Variants in SFMBT2 observed in about 807,000 individuals in gnomAD.
The protein encoded by SFMBT2 is scm-like with four MBT domains protein 2.
In SFMBT2, 38 loss-of-function variants were observed where a neutral mutation model predicts 110.1. The observed-to-expected ratio is 0.35, with a 90% CI of 0.27 to 0.45. The LOEUF (loss-of-function observed/expected upper bound fraction) is 0.45. SFMBT2 is among the 20% of genes least tolerant of loss of function. The pLI is 1.00. For synonymous variants in SFMBT2, 425 were observed against 425.4 expected, an observed-to-expected ratio of 1.00 and a Z score of 0.01; for missense variants, 1,011 against 1,094.9, an observed-to-expected ratio of 0.92 and a Z score of 1.08.
At chr10:7,410,329 C>T (rs1013386446) in intron 1 of SFMBT2, among the ~76,000 whole-genome samples, 1 of 152,260 alleles carries the variant, frequency 6.6e-6, no homozygotes, top group Non-Finnish European at 1.5e-5. Flanking sequence ...TCTCCGATTC[C>T]CCGTCCTCAC....
At chr10:7,336,958 G>C (rs1843733660) in intron 4 of SFMBT2, among the ~76,000 whole-genome samples, 2 of 152,176 alleles carry the variant, frequency 1.3e-5, no homozygotes, top group Non-Finnish European at 2.9e-5. Flanking sequence ...CGTACCATTA[G>C]ACCCAACTAT....
intron 4 of SFMBT2, among the ~76,000 whole-genome samples, chr10:7,334,980 C>T (rs192262992): frequency 3.3e-5 from 5 of 152,196 alleles, no homozygotes; most frequent in South Asian, 2.1e-4. Flanking sequence ...GGAATTGAGG[C>T]GGGAGCATAA....
At chr10:7,211,170 C>T (rs1408336641) in intron 11 of SFMBT2, among the ~76,000 whole-genome samples, 10 of 152,032 alleles carry the variant, frequency 6.6e-5, no homozygotes, top group Non-Finnish European at 1.5e-4. Context: ...CTATCTTTTT[C>T]CTTCCTCGTT....
intron 16 of SFMBT2, among the ~76,000 whole-genome samples, chr10:7,181,785 T>C (rs751397637): frequency 9.3e-4 from 141 of 152,228 alleles, no homozygotes; most frequent in Non-Finnish European, 1.6e-3. Context: ...TTGGAACAAC[T>C]CTTTCAAAGG....
intron 11 of SFMBT2, chr10:7,219,884 C>G: frequency 5.9e-6 from 1 of 169,240 alleles, no homozygotes; most frequent in Non-Finnish European, 1.2e-5. Context: ...TTTCTTGCAC[C>G]TGTAAATACG....
chr10:7,186,473 T>TAA (rs60024077), intron 16 of SFMBT2, among the ~76,000 whole-genome samples: 10 of 148,282 alleles, frequency 6.7e-5, no homozygotes, highest in African/African-American at 2.3e-4. Flanking sequence ...TATATATATA[T>TAA]AAAAATATTT....
intron 4 of SFMBT2, among the ~76,000 whole-genome samples, chr10:7,338,427 T>C (rs979134781): frequency 4.6e-5 from 7 of 152,236 alleles, no homozygotes; most frequent in Middle Eastern, 3.2e-3. Flanking sequence ...TGATAGCAGT[T>C]GATGAACACA....
intron 7 of SFMBT2, among the ~76,000 whole-genome samples, chr10:7,269,902 C>T (rs899294458): frequency 1.2e-4 from 18 of 150,972 alleles, no homozygotes; most frequent in African/African-American, 4.4e-4. Flanking sequence ...TACCATTTCT[C>T]TGAACATTAC....
chr10:7,210,318 C>T (rs1233653233), intron 11 of SFMBT2, among the ~76,000 whole-genome samples: 2 of 152,134 alleles, frequency 1.3e-5, no homozygotes, highest in Non-Finnish European at 2.9e-5. Context: ...TTCTATCAAA[C>T]TCCTAAAATT....
At chr10:7,320,046 G>C (rs556775400) in intron 4 of SFMBT2, among the ~76,000 whole-genome samples, 1 of 151,338 alleles carries the variant, frequency 6.6e-6, no homozygotes, top group East Asian at 2.0e-4. Context: ...GAGAGACAAA[G>C]ACAGACAGAG....
At chr10:7,280,414 T>C (rs971218155) in intron 6 of SFMBT2, among the ~76,000 whole-genome samples, 3 of 151,852 alleles carry the variant, frequency 2.0e-5, no homozygotes, top group African/African-American at 7.3e-5. Flanking sequence ...TAAAATAATT[T>C]TGAAGGAAAA....
chr10:7,222,084 C>A (rs1429660371), intron 10 of SFMBT2, among the ~76,000 whole-genome samples: 1 of 152,156 alleles, frequency 6.6e-6, no homozygotes, highest in Non-Finnish European at 1.5e-5. Context: ...TTCTGTAAGT[C>A]ATGTAAATGG....
chr10:7,176,561 A>G (rs780545322), intron 16 of SFMBT2: 221 of 936,436 alleles, frequency 2.4e-4, no homozygotes, highest in Non-Finnish European at 2.8e-4. Flanking sequence ...ATGTGAGTGC[A>G]TATGGGATCA....
intron 4 of SFMBT2, among the ~76,000 whole-genome samples, chr10:7,288,514 T>C (rs1437467069): frequency 2.6e-5 from 4 of 152,168 alleles, no homozygotes; most frequent in Non-Finnish European, 4.4e-5. Context: ...TCCTTCGTTA[T>C]AGATGTAGTC....
At position 7,205,915 on chromosome 10, in the gene SFMBT2, A is replaced by G; in HGVS notation, c.1344T>C (p.Pro448=). The change falls in exon 12 of 21, where the codon CCT becomes CCC. Residue 448 remains proline, a synonymous_variant. Transcript: ENST00000397167. ...CCACATCAACAATGACCTCTGGAAC[A>G]GGAGTCTGCAGCCCTGCATGGGAAG... The part of the protein sequence containing the change: ...MWLHLEGLQT[P]VPEVIVDVES... 1 of 1,614,084 alleles carries G rather than the reference A, an allele frequency of 6.2e-7. No individual in the cohort carries two copies.
chr10:7,190,307 G>A (rs872542), intron 15 of SFMBT2, among the ~76,000 whole-genome samples: 43,644 of 152,108 alleles, frequency 0.29, 7,383 homozygotes, highest in Middle Eastern at 0.43. Context: ...CTGCAATAAC[G>A]CACACAGTGT....
At chr10:7,397,785 C>G (rs1473285227) in intron 1 of SFMBT2, among the ~76,000 whole-genome samples, 10 of 152,260 alleles carry the variant, frequency 6.6e-5, no homozygotes, top group Admixed American at 6.5e-4. Context: ...GTGCCAAGCA[C>G]TATTATCAAC....
At chr10:7,343,831 G>T (rs937969941) in intron 4 of SFMBT2, among the ~76,000 whole-genome samples, 1 of 152,176 alleles carries the variant, frequency 6.6e-6, no homozygotes, top group Admixed American at 6.5e-5. Flanking sequence ...TTGGGTTTGA[G>T]GGGGCAGAAA....
At chr10:7,323,991 T>C (rs1171465059) in intron 4 of SFMBT2, among the ~76,000 whole-genome samples, 2 of 152,256 alleles carry the variant, frequency 1.3e-5, no homozygotes, top group African/African-American at 4.8e-5. Context: ...TAAAATGTTA[T>C]ATTTCATCTG....
Sources: gnomAD v4.1 joint callset for allele counts (sites outside exome capture counted in the v4.1 genomes callset) on GRCh38, gnomAD v4.1.1 for gene constraint, MANE v1.5 for transcripts, NCBI Gene and HGNC (gene_info 2026-07-23, HGNC 2026-07-21) for gene names.